The following NAALADL2 variants were observed in gnomAD, a reference collection of about 807,000 sequenced individuals.
NAALADL2 encodes N-acetylated alpha-linked acidic dipeptidase like 2.
A neutral mutation model predicts 87.2 loss-of-function variants in NAALADL2; 76 were observed. The observed-to-expected ratio is 0.87, with a 90% CI of 0.72 to 1.05. NAALADL2 has a LOEUF of 1.05. NAALADL2 is among the 50% of genes least tolerant of loss of function. The pLI is 0.00. For synonymous variants in NAALADL2, 354 were observed against 331.0 expected, an observed-to-expected ratio of 1.07 and a Z score of -0.75; for missense variants, 1,089 against 945.8, an observed-to-expected ratio of 1.15 and a Z score of -1.99.
At chr3:175,424,109 G>C (rs1156889849) in intron 5 of NAALADL2, among the ~76,000 whole-genome samples, 1 of 152,068 alleles carries the variant, frequency 6.6e-6, no homozygotes, top group East Asian at 1.9e-4. Flanking sequence ...TTGTTGATGG[G>C]GTTGTTTGAT....
intron 1 of NAALADL2, among the ~76,000 whole-genome samples, chr3:174,870,106 C>G (rs1040982484): frequency 6.7e-6 from 1 of 149,222 alleles, no homozygotes; most frequent in Admixed American, 6.7e-5. Flanking sequence ...TGTGTGTAAG[C>G]GTGTGTGCGT....
chr3:175,281,879 TTA>T, intron 4 of NAALADL2, among the ~76,000 whole-genome samples: 1 of 152,008 alleles, frequency 6.6e-6, no homozygotes, highest in East Asian at 1.9e-4. Context: ...ACAAAATACT[TTA>T]TGAGTTATTT....
chr3:174,958,538 G>A (rs182119283), intron 1 of NAALADL2, among the ~76,000 whole-genome samples: 1 of 152,126 alleles, frequency 6.6e-6, no homozygotes, highest in African/African-American at 2.4e-5. Flanking sequence ...TGAATTTTAA[G>A]TGGAGTGATT....
intron 10 of NAALADL2, chr3:175,609,383 AT>A (rs1440632615): frequency 2.6e-5 from 4 of 152,168 alleles, no homozygotes; most frequent in Non-Finnish European, 4.4e-5. Flanking sequence ...TAAAATACAT[AT>A]GTGTAGTATT....
intron 2 of NAALADL2, among the ~76,000 whole-genome samples, chr3:174,615,426 G>A (rs2108651924): frequency 6.6e-6 from 1 of 152,236 alleles, no homozygotes; most frequent in East Asian, 1.9e-4. Flanking sequence ...TATTCCTCCT[G>A]TTAACCAAAA....
chr3:174,664,659 G>C (rs1725803656), intron 2 of NAALADL2, among the ~76,000 whole-genome samples: 1 of 152,144 alleles, frequency 6.6e-6, no homozygotes. Flanking sequence ...GTTGTGATGG[G>C]CAATTTAATG....
chr3:174,704,112 C>T (rs1056998232), intron 2 of NAALADL2, among the ~76,000 whole-genome samples: 1 of 152,180 alleles, frequency 6.6e-6, no homozygotes, highest in Non-Finnish European at 1.5e-5. Flanking sequence ...CACTCACTCA[C>T]TAATACATAG....
chr3:175,530,197 C>G (rs944898663), intron 9 of NAALADL2, among the ~76,000 whole-genome samples: 1 of 152,162 alleles, frequency 6.6e-6, no homozygotes, highest in Non-Finnish European at 1.5e-5. Flanking sequence ...CCTATCCACT[C>G]GATTATTAAA....
At chr3:174,622,770 G>C (rs950820581) in intron 2 of NAALADL2, among the ~76,000 whole-genome samples, 1 of 152,176 alleles carries the variant, frequency 6.6e-6, no homozygotes, top group African/African-American at 2.4e-5. Flanking sequence ...GCCGGGCGCG[G>C]TGGCTCACGC....
intron 2 of NAALADL2, among the ~76,000 whole-genome samples, chr3:174,655,638 G>T (rs1472324862): frequency 6.6e-6 from 1 of 152,002 alleles, no homozygotes; most frequent in Non-Finnish European, 1.5e-5. Flanking sequence ...CCAAATTAAA[G>T]TATTAAAGTT....
chr3:175,148,813 G>T (rs1268486260), intron 2 of NAALADL2, among the ~76,000 whole-genome samples: 1 of 151,980 alleles, frequency 6.6e-6, no homozygotes, highest in Non-Finnish European at 1.5e-5. Flanking sequence ...GTCTCTTTTT[G>T]TACCAGTACC....
At position 175,627,388 on chromosome 3, in the gene NAALADL2, T is replaced by C. The variant is rs763930025; in HGVS notation, c.1896+2T>C. ...AACCTTCATGAAACCATTACTAAGG[T>C]AGGGGAGAAATGCATTCAAAAATAG... On this transcript the variant is annotated splice_donor_variant, in intron 11 of 13. Transcript: ENST00000454872. LOFTEE classifies it high-confidence loss of function. 2 of 1,531,774 alleles carry C rather than the reference T, an allele frequency of 1.3e-6. No homozygotes were observed. Among genetic ancestry groups the C allele is most frequent in the East Asian group, 2.4e-5 (1 of 42,074 alleles). 94.9% of individuals were successfully genotyped at this position (1,531,774 alleles called of 1,614,324 possible).
chr3:174,862,444 G>T lies in NAALADL2; in HGVS notation c.43+2994G>T, dbSNP rs956362978. On this transcript the variant is annotated intron_variant, in intron 1 of 13. Transcript: ENST00000454872. ...GGGCTTCTTACCTCTTCTCTGCCTC[G>T]AAGGATGTCCATTTCCTACTTCTCC... Among the ~76,000 whole-genome samples, 3 of 151,936 alleles carry T rather than the reference G, an allele frequency of 2.0e-5. No individual in the cohort carries two copies. In the East Asian group the frequency reaches 5.8e-4, roughly 29 times the overall value.
intron 9 of NAALADL2, among the ~76,000 whole-genome samples, chr3:175,540,838 G>A (rs7626755): frequency 0.17 from 26,230 of 151,994 alleles, 2,403 homozygotes; most frequent in Middle Eastern, 0.24. Flanking sequence ...CTAAACACTC[G>A]CCTTCAGTCA....
At chr3:175,219,606 C>G (rs146319563) in intron 2 of NAALADL2, among the ~76,000 whole-genome samples, 4 of 152,146 alleles carry the variant, frequency 2.6e-5, no homozygotes, top group African/African-American at 9.6e-5. Context: ...TAAAGATGTT[C>G]TCCTTTGTTA....
intron 2 of NAALADL2, among the ~76,000 whole-genome samples, chr3:174,676,611 T>C (rs901285241): frequency 3.9e-5 from 6 of 152,010 alleles, no homozygotes; most frequent in African/African-American, 1.4e-4. Flanking sequence ...TTTCTTCATC[T>C]ATAAGTAATA....
chr3:175,181,785 A>ATGTGTATATG, intron 2 of NAALADL2, among the ~76,000 whole-genome samples: 1 of 144,646 alleles, frequency 6.9e-6, no homozygotes, highest in Non-Finnish European at 1.5e-5. Context: ...ATATGTATAT[A>ATGTGTATATG]TATGTGTGTG....
intron 4 of NAALADL2, among the ~76,000 whole-genome samples, chr3:175,308,257 T>C (rs1279711646): frequency 6.6e-6 from 1 of 152,226 alleles, no homozygotes; most frequent in East Asian, 1.9e-4. Context: ...TTCTGTTTTG[T>C]GTCTTGTTTG....
At chr3:175,415,954 TA>T (rs58764853) in intron 5 of NAALADL2, among the ~76,000 whole-genome samples, 837 of 133,552 alleles carry the variant, frequency 6.3e-3, no homozygotes, top group African/African-American at 7.3e-3. Context: ...TGTCTCTATT[TA>T]AAAAAAAAAA....
Sources: gnomAD v4.1 joint callset for allele counts (sites outside exome capture counted in the v4.1 genomes callset) on GRCh38, gnomAD v4.1.1 for gene constraint, MANE v1.5 for transcripts, NCBI Gene and HGNC (gene_info 2026-07-23, HGNC 2026-07-21) for gene names.